Variants in HPSE2 observed in about 807,000 individuals in gnomAD.
HPSE2 encodes the protein heparanase 2 (inactive), also known as inactive heparanase-2.
HPSE2 carries 38 observed loss-of-function variants against 60.5 expected under a neutral mutation model. The ratio of observed to expected loss-of-function variants is 0.63; its 90% CI spans 0.48 to 0.82. HPSE2 has a LOEUF of 0.82. Ranked by LOEUF, HPSE2 falls within the 40% of genes least tolerant of loss-of-function variation. The pLI is 0.00. For synonymous variants in HPSE2, 295 were observed against 293.2 expected (o/e 1.01, Z -0.06); for missense variants, 713 against 740.4 (o/e 0.96, Z 0.43).
intron 2 of HPSE2, among the ~76,000 whole-genome samples, chr10:99,207,466 G>A (rs763339695): frequency 6.6e-5 from 10 of 152,132 alleles, no homozygotes; most frequent in Non-Finnish European, 1.5e-4. Flanking sequence ...AAAAATCACT[G>A]ATAAAAGGGA....
the HPSE2 span, among the ~76,000 whole-genome samples, chr10:99,287,955 G>A: frequency 1.3e-5 from 2 of 152,224 alleles, no homozygotes. Context: ...GATTAAGACA[G>A]CATGAGGTTA....
intron 3 of HPSE2, among the ~76,000 whole-genome samples, chr10:98,995,964 C>G (rs1956632656): frequency 6.6e-6 from 1 of 152,040 alleles, no homozygotes; most frequent in South Asian, 2.1e-4. Context: ...CAAAAAAAGA[C>G]ATTGGTAAAA....
chr10:99,056,862 A>G (rs1281914192), intron 3 of HPSE2, among the ~76,000 whole-genome samples: 4 of 152,218 alleles, frequency 2.6e-5, no homozygotes, highest in Non-Finnish European at 5.9e-5. Context: ...GAGAAATCAT[A>G]TATCAATTGT....
intron 3 of HPSE2, among the ~76,000 whole-genome samples, chr10:98,898,445 G>A (rs1156751180): frequency 6.6e-6 from 1 of 152,034 alleles, no homozygotes; most frequent in Non-Finnish European, 1.5e-5. Flanking sequence ...AATCTTAAAC[G>A]CATACTAAGT....
chr10:98,574,591 A>G (rs1944590757), intron 9 of HPSE2, among the ~76,000 whole-genome samples: 1 of 152,230 alleles, frequency 6.6e-6, no homozygotes, highest in Non-Finnish European at 1.5e-5. Flanking sequence ...CTGATCCCAC[A>G]GACCCATCCA....
At chr10:98,993,400 C>A (rs1216891242) in intron 3 of HPSE2, among the ~76,000 whole-genome samples, 1 of 152,236 alleles carries the variant, frequency 6.6e-6, no homozygotes, top group Non-Finnish European at 1.5e-5. Context: ...TCCTCTTGGA[C>A]ATCAACTTCA....
chr10:99,191,565 G>T (rs549773622), intron 2 of HPSE2, among the ~76,000 whole-genome samples: 21 of 152,314 alleles, frequency 1.4e-4, no homozygotes, highest in African/African-American at 5.1e-4. Flanking sequence ...ACTTGGCTTG[G>T]GGTGCCCCCT....
chr10:98,677,675 G>A (rs1297014161), intron 6 of HPSE2, among the ~76,000 whole-genome samples: 1 of 152,118 alleles, frequency 6.6e-6, no homozygotes, highest in East Asian at 1.9e-4. Flanking sequence ...TTCTGACCAG[G>A]CCTATTTGAC....
intron 2 of HPSE2, among the ~76,000 whole-genome samples, chr10:99,166,979 CTTTT>C (rs1321857810): frequency 4.0e-5 from 6 of 150,786 alleles, no homozygotes; most frequent in South Asian, 4.2e-4. Flanking sequence ...ATCATACTTT[CTTTT>C]TTTCTTTTTT....
At chr10:98,616,657 G>T (rs1244103759) in intron 8 of HPSE2, among the ~76,000 whole-genome samples, 1 of 151,970 alleles carries the variant, frequency 6.6e-6, no homozygotes, top group Non-Finnish European at 1.5e-5. Flanking sequence ...GACAATTAGA[G>T]TTATAAAAAT....
At chr10:99,211,222 G>A (rs968149400) in intron 2 of HPSE2, among the ~76,000 whole-genome samples, 4 of 150,670 alleles carry the variant, frequency 2.7e-5, no homozygotes, top group Non-Finnish European at 4.4e-5. Flanking sequence ...TAAAAGACTC[G>A]TACACATAAG....
intron 3 of HPSE2, among the ~76,000 whole-genome samples, chr10:98,915,151 CTTTT>C (rs1174583914): frequency 7.1e-6 from 1 of 141,164 alleles, no homozygotes; most frequent in African/African-American, 2.6e-5. Context: ...CTAAATTTTC[CTTTT>C]TTTTTTTTTT....
At chr10:98,987,640 C>T (rs1956401026) in intron 3 of HPSE2, among the ~76,000 whole-genome samples, 1 of 152,082 alleles carries the variant, frequency 6.6e-6, no homozygotes, top group Admixed American at 6.6e-5. Flanking sequence ...GAAGTTCTGG[C>T]CAGGGCAATT....
At chr10:98,730,557 C>T (rs1302012259) in intron 4 of HPSE2, among the ~76,000 whole-genome samples, 3 of 149,450 alleles carry the variant, frequency 2.0e-5, no homozygotes, top group Non-Finnish European at 4.5e-5. Context: ...ACCACAAAAC[C>T]GATATACCTT....
chr10:99,196,354 C>A (rs1172566245), intron 2 of HPSE2, among the ~76,000 whole-genome samples: 1 of 151,752 alleles, frequency 6.6e-6, no homozygotes, highest in Non-Finnish European at 1.5e-5. Flanking sequence ...AAAATGAATA[C>A]CCTGGATCAC....
At chr10:99,296,271 G>A in the HPSE2 span, among the ~76,000 whole-genome samples, 1 of 152,198 alleles carries the variant, frequency 6.6e-6, no homozygotes, top group African/African-American at 2.4e-5. Context: ...GGTGAGACTG[G>A]ACTCCAGAGG....
the HPSE2 span, among the ~76,000 whole-genome samples, chr10:99,289,685 T>C: frequency 6.6e-6 from 1 of 152,196 alleles, no homozygotes; most frequent in African/African-American, 2.4e-5. Flanking sequence ...GGTGCCCTAC[T>C]TGCAATGAAA....
intron 2 of HPSE2, among the ~76,000 whole-genome samples, chr10:99,215,003 G>A (rs1459383199): frequency 6.6e-6 from 1 of 152,166 alleles, no homozygotes. Context: ...ATGTAAATTA[G>A]TTTAACCATT....
intron 3 of HPSE2, among the ~76,000 whole-genome samples, chr10:99,072,301 G>A (rs888498993): frequency 4.6e-5 from 7 of 151,576 alleles, no homozygotes; most frequent in East Asian, 2.0e-4. Flanking sequence ...TTGACAAATC[G>A]GATCTAATTA....
Sources: gnomAD v4.1 joint callset for allele counts (sites outside exome capture counted in the v4.1 genomes callset) on GRCh38, gnomAD v4.1.1 for gene constraint, MANE v1.5 for transcripts, NCBI Gene and HGNC (gene_info 2026-07-23, HGNC 2026-07-21) for gene names.